Variants in CYP19A1 observed in about 807,000 individuals in gnomAD.
CYP19A1 encodes the protein aromatase.
CYP19A1 carries 32 observed loss-of-function variants against 44.4 expected under a neutral mutation model. The ratio of observed to expected loss-of-function variants is 0.72; its 90% CI spans 0.54 to 0.97. The LOEUF (loss-of-function observed/expected upper bound fraction) is 0.97. Among genes scored for constraint, CYP19A1 ranks in the 50% least tolerant of loss-of-function variants. The pLI, the probability that CYP19A1 is intolerant of heterozygous loss-of-function variation, is 0.00. For synonymous variants in CYP19A1, 212 were observed against 215.6 expected (o/e 0.98, Z 0.14); for missense variants, 598 against 637.8 (o/e 0.94, Z 0.67).
chr15:51,295,020 T>C (rs1476893585), intron 1 of CYP19A1, among the ~76,000 whole-genome samples: 1 of 151,550 alleles, frequency 6.6e-6, no homozygotes, highest in Non-Finnish European at 1.5e-5. Flanking sequence ...AAAGAATGCC[T>C]GATACATTGT....
At chr15:51,227,703 A>AAATAAATAAATAAAG in intron 4 of CYP19A1, 76 bp downstream of exon 4, 3 of 392,896 alleles carry the variant, frequency 7.6e-6, no homozygotes, top group East Asian at 9.6e-5. Flanking sequence ...AATAAATAAA[A>AAATAAATAAATAAAG]TATTTTAAAA....
At chr15:51,246,413 C>T (rs959752348) in intron 1 of CYP19A1, among the ~76,000 whole-genome samples, 1 of 152,178 alleles carries the variant, frequency 6.6e-6, no homozygotes, top group Non-Finnish European at 1.5e-5. Flanking sequence ...GCTCAGCATC[C>T]CACGTTGGCC....
intron 1 of CYP19A1, among the ~76,000 whole-genome samples, chr15:51,304,279 A>AC (rs1342232187): frequency 3.3e-5 from 5 of 152,008 alleles, no homozygotes; most frequent in African/African-American, 1.2e-4. Flanking sequence ...CACAAGTGAT[A>AC]CCCCTTATCT....
intron 1 of CYP19A1, among the ~76,000 whole-genome samples, chr15:51,265,442 G>A (rs1305555766): frequency 6.6e-6 from 1 of 152,212 alleles, no homozygotes; most frequent in African/African-American, 2.4e-5. Flanking sequence ...GAACAAAAGG[G>A]ATGGGGACAG....
chr15:51,234,026 G>A (rs2141097663), intron 3 of CYP19A1, among the ~76,000 whole-genome samples: 1 of 152,030 alleles, frequency 6.6e-6, no homozygotes, highest in East Asian at 1.9e-4. Flanking sequence ...GGAAAAGTTG[G>A]ACCATAATTT....
chr15:51,300,745 G>A (rs544716024), intron 1 of CYP19A1, among the ~76,000 whole-genome samples: 5 of 152,190 alleles, frequency 3.3e-5, no homozygotes, highest in Admixed American at 6.5e-5. Context: ...AAATTACACC[G>A]CCATTCTATG....
chr15:51,297,817 GACACACACACACACAC>G (rs1159870053), intron 1 of CYP19A1, among the ~76,000 whole-genome samples: 2,233 of 111,778 alleles, frequency 0.02, 21 homozygotes, highest in South Asian at 0.032. Flanking sequence ...CTGTAGGCAT[GACACACACACACACAC>G]ACACACACAC....
At position 51,324,614 on chromosome 15, in the gene CYP19A1, T is replaced by C. The variant is rs142749450; in HGVS notation, c.-39+13881A>G. On this transcript the variant is annotated intron_variant, in intron 1 of 9. Coordinates refer to ENST00000396402, the MANE Select transcript of CYP19A1 (RefSeq NM_000103.4). The stretch of plus-strand genomic sequence containing the variant: ...AATAATATAAACTAAAACATAATTA[T>C]TAGCCAAAAATAAAAGGCAACTTTA... 6.0e-4 allele frequency among the ~76,000 whole-genome samples: 91 copies of C among 152,352 alleles called. 1 individual carries two copies. Among genetic ancestry groups the C allele is most frequent in the African/African-American group, 2.1e-3 (87 of 41,582 alleles).
chr15:51,233,746 T>C (rs2033196177), intron 3 of CYP19A1, among the ~76,000 whole-genome samples: 1 of 152,330 alleles, frequency 6.6e-6, no homozygotes, highest in Non-Finnish European at 1.5e-5. Context: ...TTATGAGTGA[T>C]ACATAAATTT....
chr15:51,266,789 C>CCTTCCCTGGTCTGGT (rs1388590705), intron 1 of CYP19A1, among the ~76,000 whole-genome samples: 1 of 152,210 alleles, frequency 6.6e-6, no homozygotes, highest in Non-Finnish European at 1.5e-5. Flanking sequence ...GCACGGAAAG[C>CCTTCCCTGGTCTGGT]CTTCCCTGGT....
At chr15:51,283,283 C>T (rs2035589574) in intron 1 of CYP19A1, among the ~76,000 whole-genome samples, 1 of 152,326 alleles carries the variant, frequency 6.6e-6, no homozygotes, top group South Asian at 2.1e-4. Context: ...GAATGGCCAC[C>T]TCTTCTCTCT....
At chr15:51,290,538 T>C (rs546019927) in intron 1 of CYP19A1, among the ~76,000 whole-genome samples, 1 of 152,260 alleles carries the variant, frequency 6.6e-6, no homozygotes, top group Admixed American at 6.5e-5. Flanking sequence ...GCTGTGAAAA[T>C]TCCAATTGGC....
At position 51,227,835 on chromosome 15, in the gene CYP19A1, A is replaced by T. The variant is rs371077463; in HGVS notation, c.395T>A (p.Ile132Asn). 114 of 1,540,540 alleles carry T rather than the reference A, an allele frequency of 7.4e-5. No homozygotes were observed. Among genetic ancestry groups the T allele is most frequent in the Non-Finnish European group, 1.0e-4 (111 of 1,113,158 alleles). The change falls in exon 4 of 10, where the codon ATC becomes AAC. Residue 132 changes from isoleucine to asparagine, a missense_variant. By Grantham distance (149) the Ile-to-Asn change is moderately radical. Coordinates refer to ENST00000396402, the MANE Select transcript of CYP19A1 (RefSeq NM_000103.4). ...LQCIGMHEKG[I>N]IFNNNPELWK... is the part of the protein sequence containing the mutation. ...GAGCTCTGGATTGTTGTTAAATATG[A>T]TGCCTTTCTCATGCATACCGATGCA...
intron 1 of CYP19A1, among the ~76,000 whole-genome samples, chr15:51,329,349 G>C (rs2036663030): frequency 6.6e-6 from 1 of 152,102 alleles, no homozygotes; most frequent in Non-Finnish European, 1.5e-5. Flanking sequence ...AAACCAGAGG[G>C]GCAGGAGACA....
At chr15:51,212,167 C>T in intron 9 of CYP19A1, 153 bp downstream of exon 9, 1 of 726,066 alleles carries the variant, frequency 1.4e-6, no homozygotes, top group South Asian at 1.5e-5. Context: ...GAGCCCTGCT[C>T]CAAGCTAGGG....
chr15:51,294,535 A>T (rs1261362029), intron 1 of CYP19A1, among the ~76,000 whole-genome samples: 1 of 145,722 alleles, frequency 6.9e-6, no homozygotes, highest in African/African-American at 2.6e-5. Context: ...CCATCTGGGA[A>T]GTGAGGAGCG....
intron 1 of CYP19A1, among the ~76,000 whole-genome samples, chr15:51,307,603 T>G (rs1459293057): frequency 1.3e-5 from 2 of 152,138 alleles, no homozygotes; most frequent in African/African-American, 4.8e-5. Context: ...GGGTGCAGGT[T>G]GGTGCCAAAA....
chr15:51,260,180 A>AGGT (rs2034660829), intron 1 of CYP19A1, among the ~76,000 whole-genome samples: 1 of 152,338 alleles, frequency 6.6e-6, no homozygotes, highest in South Asian at 2.1e-4. Flanking sequence ...GGCATGCTCT[A>AGGT]GGTGATGATA....
intron 1 of CYP19A1, chr15:51,277,021 A>G (rs904263437): frequency 2.0e-5 from 3 of 151,850 alleles, no homozygotes; most frequent in African/African-American, 7.3e-5. Flanking sequence ...GGCACAAAAA[A>G]AAAGAGAGAG....
Sources: gnomAD v4.1 joint callset for allele counts (sites outside exome capture counted in the v4.1 genomes callset) on GRCh38, gnomAD v4.1.1 for gene constraint, MANE v1.5 for transcripts, NCBI Gene and HGNC (gene_info 2026-07-23, HGNC 2026-07-21) for gene names.